Variants in GRID2 observed in about 807,000 individuals in gnomAD.
GRID2 encodes glutamate receptor ionotropic, delta-2.
Under a neutral mutation model 114.8 loss-of-function variants are expected in GRID2, and 33 were observed. That is an observed-to-expected ratio of 0.29 (90% CI 0.22 to 0.38). The LOEUF (loss-of-function observed/expected upper bound fraction) is 0.38, where lower values mean the gene tolerates loss of function less well. GRID2 is among the 10% of genes least tolerant of loss of function. The pLI is 1.00. For synonymous variants in GRID2, 505 were observed against 449.9 expected (o/e 1.12, Z -1.55); for missense variants, 1,184 against 1,257.7 (o/e 0.94, Z 0.89).
chr4:93,428,775 T>C (rs1769116107), intron 10 of GRID2, among the ~76,000 whole-genome samples: 1 of 152,200 alleles, frequency 6.6e-6, no homozygotes, highest in African/African-American at 2.4e-5. Context: ...CTTGACAATA[T>C]TATTTTAAGT....
chr4:93,695,616 A>G (rs1726953457), intron 14 of GRID2, among the ~76,000 whole-genome samples: 2 of 152,152 alleles, frequency 1.3e-5, no homozygotes, highest in South Asian at 4.1e-4. Context: ...GTGCTGAAAA[A>G]TCACCAACAC....
intron 2 of GRID2, among the ~76,000 whole-genome samples, chr4:92,722,431 C>T (rs192575207): frequency 2.0e-5 from 3 of 152,208 alleles, no homozygotes; most frequent in Admixed American, 2.0e-4. Flanking sequence ...ATTTATCTTA[C>T]TCCTGAGAAT....
At chr4:93,248,090 CA>C (rs1748405799) in intron 8 of GRID2, among the ~76,000 whole-genome samples, 1 of 150,874 alleles carries the variant, frequency 6.6e-6, no homozygotes, top group African/African-American at 2.4e-5. Flanking sequence ...AACAGATACA[CA>C]CACACACACA....
rs114351739 is a variant in GRID2 at position 93,199,050 on chromosome 4, A to T, written c.736-8354A>T. ...ATAGCTACAAGAAAATAAATATTTT[A>T]GTGTAATTTCCTGATGGTGCCAAAA... is the stretch of plus-strand genomic sequence containing the variant. On this transcript the variant is annotated intron_variant, in intron 4 of 15. Transcript: ENST00000282020. Among the ~76,000 whole-genome samples, 1,471 of 152,242 alleles carry T rather than the reference A, an allele frequency of 9.7e-3. 14 individuals carry two copies. The highest frequency in any genetic ancestry group is 0.034 in the African/African-American group (1,399 of 41,548).
intron 2 of GRID2, among the ~76,000 whole-genome samples, chr4:92,632,736 G>GGGAA (rs771589100): frequency 2.0e-5 from 3 of 147,902 alleles, no homozygotes; most frequent in Admixed American, 6.7e-5. Flanking sequence ...AGGGAAGGAA[G>GGGAA]GGAAGAAGTG....
chr4:92,497,641 A>G (rs2149119814), intron 1 of GRID2, among the ~76,000 whole-genome samples: 1 of 152,006 alleles, frequency 6.6e-6, no homozygotes, highest in East Asian at 1.9e-4. Flanking sequence ...ATGTGTTTCA[A>G]GAGCCAGAGA....
intron 1 of GRID2, among the ~76,000 whole-genome samples, chr4:92,377,033 G>C (rs2110229406): frequency 6.6e-6 from 1 of 152,176 alleles, no homozygotes; most frequent in South Asian, 2.1e-4. Context: ...ATTAACATTT[G>C]GCTGTTTGTT....
At chr4:93,750,594 A>G (rs1480673091) in intron 14 of GRID2, among the ~76,000 whole-genome samples, 1 of 152,118 alleles carries the variant, frequency 6.6e-6, no homozygotes, top group East Asian at 1.9e-4. Flanking sequence ...GTCTCTACTA[A>G]AAATACAAAA....
At chr4:92,334,186 A>T (rs1560572696) in intron 1 of GRID2, among the ~76,000 whole-genome samples, 1 of 152,198 alleles carries the variant, frequency 6.6e-6, no homozygotes, top group African/African-American at 2.4e-5. Flanking sequence ...CTTAGACCTC[A>T]TTGGAACTGC....
chr4:93,522,953 A>G (rs1347309811), intron 13 of GRID2, among the ~76,000 whole-genome samples: 1 of 152,150 alleles, frequency 6.6e-6, no homozygotes, highest in Non-Finnish European at 1.5e-5. Flanking sequence ...CTCCTATTTG[A>G]GAGAGTGACA....
intron 14 of GRID2, among the ~76,000 whole-genome samples, chr4:93,732,802 T>G (rs777941805): frequency 1.4e-4 from 21 of 152,120 alleles, no homozygotes; most frequent in Non-Finnish European, 2.6e-4. Context: ...AGGCAGCTTC[T>G]CACATTGCTT....
chr4:92,845,703 C>G (rs1435790329), intron 2 of GRID2, among the ~76,000 whole-genome samples: 1 of 152,050 alleles, frequency 6.6e-6, no homozygotes, highest in African/African-American at 2.4e-5. Context: ...TTGTTGCATG[C>G]ATTTTTCTTT....
At chr4:92,942,737 C>A (rs1025584735) in intron 2 of GRID2, among the ~76,000 whole-genome samples, 8 of 152,164 alleles carry the variant, frequency 5.3e-5, no homozygotes, top group Non-Finnish European at 2.9e-5. Flanking sequence ...TTAGTGCTTC[C>A]TTCAGGAGCT....
At chr4:92,386,795 T>C (rs1232636595) in intron 1 of GRID2, among the ~76,000 whole-genome samples, 2 of 151,870 alleles carry the variant, frequency 1.3e-5, no homozygotes. Context: ...CAAAATATTT[T>C]TACTTTCTAG....
At chr4:92,943,128 T>C (rs774794484) in intron 2 of GRID2, among the ~76,000 whole-genome samples, 8 of 152,222 alleles carry the variant, frequency 5.3e-5, no homozygotes, top group Non-Finnish European at 1.2e-4. Flanking sequence ...CCTTGCTAGA[T>C]TGAGGAAGTT....
intron 2 of GRID2, among the ~76,000 whole-genome samples, chr4:92,982,333 A>T (rs1008265357): frequency 6.6e-6 from 1 of 152,224 alleles, no homozygotes; most frequent in African/African-American, 2.4e-5. Context: ...TGAATATTAC[A>T]TGTAAATTTC....
chr4:92,928,064 A>G (rs1749958650), intron 2 of GRID2, among the ~76,000 whole-genome samples: 4 of 151,814 alleles, frequency 2.6e-5, no homozygotes, highest in South Asian at 2.1e-4. Context: ...AACTTAATCC[A>G]GACCAAAAGG....
At chr4:93,114,753 C>A (rs1044008271) in intron 4 of GRID2, among the ~76,000 whole-genome samples, 4 of 152,102 alleles carry the variant, frequency 2.6e-5, no homozygotes, top group African/African-American at 9.7e-5. Flanking sequence ...GTGCTGGGAG[C>A]AGTTCATTCA....
rs539180182 is a variant in GRID2, at chr4:93,186,117, A to G, written c.736-21287A>G. On this transcript the variant is annotated intron_variant, in intron 4 of 15. Transcript: ENST00000282020. ...GGCTGCATAGTATTCCATGGTGTATATGTGCCACATTTTCTTAATCCAGTC... is the reference window on the plus strand; with the variant it reads ...GGCTGCATAGTATTCCATGGTGTATGTGTGCCACATTTTCTTAATCCAGTC... Among the ~76,000 whole-genome samples the G allele has an allele frequency of 1.2e-4, 19 of 152,244 alleles. No homozygotes were observed. In the South Asian group the frequency reaches 3.3e-3, roughly 27 times the overall value.
Sources: gnomAD v4.1 joint callset for allele counts (sites outside exome capture counted in the v4.1 genomes callset) on GRCh38, gnomAD v4.1.1 for gene constraint, MANE v1.5 for transcripts, NCBI Gene and HGNC (gene_info 2026-07-23, HGNC 2026-07-21) for gene names.